GPC5: variants seen among roughly 807,000 people sequenced by gnomAD.
GPC5 encodes the protein glypican-5.
A neutral mutation model predicts 53.9 loss-of-function variants in GPC5; 47 were observed. The ratio of observed to expected loss-of-function variants is 0.87; its 90% CI spans 0.69 to 1.11. The LOEUF is 1.11. Among genes scored for constraint, GPC5 ranks in the 50% most tolerant of loss-of-function variants. GPC5 has a pLI of 0.00. For synonymous variants in GPC5, 286 were observed against 263.3 expected (o/e 1.09, Z -0.84); for missense variants, 748 against 713.1 (o/e 1.05, Z -0.56).
intron 6 of GPC5, among the ~76,000 whole-genome samples, chr13:91,986,795 T>C (rs1594707427): frequency 2.6e-5 from 4 of 152,356 alleles, no homozygotes; most frequent in Middle Eastern, 6.8e-3. Flanking sequence ...GAGTAATCAA[T>C]TGAAACATGG....
intron 7 of GPC5, among the ~76,000 whole-genome samples, chr13:92,642,912 G>A (rs1021123362): frequency 3.9e-5 from 6 of 152,136 alleles, no homozygotes; most frequent in Non-Finnish European, 4.4e-5. Context: ...GTTGGCTAAC[G>A]CACAACTTTA....
At chr13:91,510,378 C>T (rs1431470434) in intron 2 of GPC5, among the ~76,000 whole-genome samples, 1 of 152,106 alleles carries the variant, frequency 6.6e-6, no homozygotes, top group Non-Finnish European at 1.5e-5. Context: ...ATGTGATTTG[C>T]CCCAAGATAT....
chr13:91,506,898 A>T (rs1016257745), intron 2 of GPC5, among the ~76,000 whole-genome samples: 2 of 152,184 alleles, frequency 1.3e-5, no homozygotes, highest in Non-Finnish European at 2.9e-5. Flanking sequence ...ATACTATTAT[A>T]AAAACAAAAC....
chr13:92,158,697 A>G (rs916554510), intron 7 of GPC5, among the ~76,000 whole-genome samples: 3 of 142,832 alleles, frequency 2.1e-5, no homozygotes, highest in Non-Finnish European at 3.0e-5. Flanking sequence ...CTCTTGCCCA[A>G]TTGGTCACAT....
intron 7 of GPC5, among the ~76,000 whole-genome samples, chr13:92,620,957 T>A (rs1310035562): frequency 6.6e-6 from 1 of 152,196 alleles, no homozygotes; most frequent in Non-Finnish European, 1.5e-5. Flanking sequence ...TTTGAAAGAC[T>A]AAATATTCCA....
At chr13:91,417,707 G>C (rs1052371210) in intron 1 of GPC5, among the ~76,000 whole-genome samples, 56 of 151,772 alleles carry the variant, frequency 3.7e-4, no homozygotes, top group African/African-American at 1.3e-3. Flanking sequence ...GCAAGCAGCA[G>C]TTAGGAGTCC....
Position 92,092,566 on chromosome 13 carries a change from C to A in GPC5, c.1402-52264C>A, listed in dbSNP as rs1223696315. On this transcript the variant is annotated intron_variant, in intron 6 of 7. Transcript: ENST00000377067. ...TAAAATTATATTTGGAATCTTATATCATTCCCAGATTAATATATACAATGT... is the reference window on the plus strand; with the variant it reads ...TAAAATTATATTTGGAATCTTATATAATTCCCAGATTAATATATACAATGT... 1.3e-5 allele frequency among the ~76,000 whole-genome samples: 2 copies of A among 152,146 alleles called. 1 individual carries two copies. Among genetic ancestry groups the A allele is most frequent in the Non-Finnish European group, 2.9e-5 (2 of 68,004 alleles).
intron 7 of GPC5, among the ~76,000 whole-genome samples, chr13:92,819,048 A>C (rs1173130672): frequency 6.6e-6 from 1 of 152,034 alleles, no homozygotes; most frequent in Non-Finnish European, 1.5e-5. Flanking sequence ...AGAAAGTACC[A>C]GTGTTTTAAG....
chr13:91,574,655 G>C (rs1469880657), intron 2 of GPC5, among the ~76,000 whole-genome samples: 1 of 152,086 alleles, frequency 6.6e-6, no homozygotes, highest in Non-Finnish European at 1.5e-5. Flanking sequence ...TGCATGCCTA[G>C]CGTGTGCCAA....
At chr13:91,461,618 G>A (rs772416743) in intron 2 of GPC5, among the ~76,000 whole-genome samples, 6 of 152,032 alleles carry the variant, frequency 3.9e-5, no homozygotes, top group East Asian at 1.9e-4. Context: ...TTGGTGCCTC[G>A]TACATAATGA....
At chr13:91,940,364 C>T (rs2039914624) in intron 6 of GPC5, among the ~76,000 whole-genome samples, 1 of 152,074 alleles carries the variant, frequency 6.6e-6, no homozygotes, top group Non-Finnish European at 1.5e-5. Flanking sequence ...ACGTTATATA[C>T]ATACTACATT....
chr13:92,579,298 TCTCCCTCC>T (rs869169116), intron 7 of GPC5, among the ~76,000 whole-genome samples: 6,335 of 61,510 alleles, frequency 0.1, 1,045 homozygotes, highest in African/African-American at 0.11. Flanking sequence ...TCTCTCTCTC[TCTCCCTCC>T]CTCCCTCCCT....
chr13:92,527,259 G>A (rs1320806375), intron 7 of GPC5, among the ~76,000 whole-genome samples: 6 of 123,018 alleles, frequency 4.9e-5, no homozygotes, highest in African/African-American at 1.2e-4. Flanking sequence ...GAGAAAGAAA[G>A]AAAGAAAGAA....
chr13:92,542,375 A>G (rs750298202), intron 7 of GPC5, among the ~76,000 whole-genome samples: 6 of 151,872 alleles, frequency 4.0e-5, no homozygotes, highest in Non-Finnish European at 7.4e-5. Context: ...AGAAACTACC[A>G]TTCCACTCTC....
chr13:92,607,893 T>C (rs1285414397), intron 7 of GPC5, among the ~76,000 whole-genome samples: 1 of 152,184 alleles, frequency 6.6e-6, no homozygotes, highest in African/African-American at 2.4e-5. Flanking sequence ...CTGCCTGCCC[T>C]GAGACATCAA....
chr13:91,885,983 T>C (rs749413054), intron 5 of GPC5, among the ~76,000 whole-genome samples: 10 of 152,126 alleles, frequency 6.6e-5, no homozygotes, highest in Non-Finnish European at 1.5e-5. Context: ...TTTTCTGTTA[T>C]ATTTTCCCCA....
intron 4 of GPC5, among the ~76,000 whole-genome samples, chr13:91,751,665 C>T (rs1026071222): frequency 5.3e-5 from 8 of 152,204 alleles, no homozygotes; most frequent in South Asian, 2.1e-4. Context: ...AACTTCCAAG[C>T]GCCTGTGTGC....
chr13:92,651,239 A>C (rs904914089), intron 7 of GPC5, among the ~76,000 whole-genome samples: 2 of 98,628 alleles, frequency 2.0e-5, no homozygotes, highest in African/African-American at 6.1e-5. Flanking sequence ...ACCATATGAA[A>C]ATTGAAAAAA....
chr13:91,672,001 C>A (rs543813733), intron 2 of GPC5, among the ~76,000 whole-genome samples: 44 of 152,112 alleles, frequency 2.9e-4, no homozygotes, highest in Middle Eastern at 3.4e-3. Context: ...GAAAGGATGT[C>A]CTATTCAGTA....
Sources: gnomAD v4.1 joint callset for allele counts (sites outside exome capture counted in the v4.1 genomes callset) on GRCh38, gnomAD v4.1.1 for gene constraint, MANE v1.5 for transcripts, NCBI Gene and HGNC (gene_info 2026-07-23, HGNC 2026-07-21) for gene names.